CTNNA3: variants seen among roughly 807,000 people sequenced by gnomAD.
The protein encoded by CTNNA3 is catenin alpha-3.
A neutral mutation model predicts 95.7 loss-of-function variants in CTNNA3; 76 were observed. That is an observed-to-expected ratio of 0.79 (90% CI 0.66 to 0.96). CTNNA3 has a LOEUF of 0.96. CTNNA3 is among the 40% of genes least tolerant of loss of function. The pLI, the probability that CTNNA3 is intolerant of heterozygous loss-of-function variation, is 0.00. For missense variants in CTNNA3, 1,191 were observed against 1,089.8 expected (o/e 1.09, Z -1.31); for synonymous variants, 431 against 374.4 (o/e 1.15, Z -1.74).
rs745530377 is a variant in CTNNA3 at position 66,933,382 on chromosome 10, T to C, written c.1048-157858A>G. 7.2e-5 allele frequency among the ~76,000 whole-genome samples: 11 copies of C among 152,120 alleles called. 1 individual carries two copies. Among genetic ancestry groups the C allele is most frequent in the Non-Finnish European group, 1.0e-4 (7 of 68,010 alleles). On this transcript the variant is annotated intron_variant, in intron 7 of 17. Coordinates refer to ENST00000433211, the MANE Select transcript of CTNNA3 (RefSeq NM_013266.4). ...AATAATTATCAAACACATTGAAAAT[T>C]CTACTTGTATTTCAGATCAGGCAAC...
At chr10:66,044,290 C>T (rs1247214155) in intron 15 of CTNNA3, among the ~76,000 whole-genome samples, 1 of 152,116 alleles carries the variant, frequency 6.6e-6, no homozygotes. Flanking sequence ...TGTGCCCGGC[C>T]TTCCATTTTT....
At chr10:67,763,243 T>C (rs1389526792) in intron 1 of CTNNA3, among the ~76,000 whole-genome samples, 1 of 150,142 alleles carries the variant, frequency 6.7e-6, no homozygotes, top group African/African-American at 2.5e-5. Flanking sequence ...ATAGAGAAAA[T>C]GGGATCCCTC....
At chr10:67,210,226 G>A (rs149071743) in intron 6 of CTNNA3, among the ~76,000 whole-genome samples, 2 of 152,238 alleles carry the variant, frequency 1.3e-5, no homozygotes, top group East Asian at 3.9e-4. Flanking sequence ...AGAATTGCTT[G>A]AACCTGGGAG....
chr10:66,405,948 T>C (rs1181627548), intron 11 of CTNNA3, among the ~76,000 whole-genome samples: 3 of 152,180 alleles, frequency 2.0e-5, no homozygotes, highest in African/African-American at 4.8e-5. Flanking sequence ...GAAAGCAGCA[T>C]CCTTTCAGAC....
intron 14 of CTNNA3, among the ~76,000 whole-genome samples, chr10:66,077,300 A>G (rs1303781859): frequency 6.6e-6 from 1 of 151,818 alleles, no homozygotes; most frequent in African/African-American, 2.4e-5. Flanking sequence ...ATTTCTGTGC[A>G]TTTAATTTTT....
intron 5 of CTNNA3, among the ~76,000 whole-genome samples, chr10:67,506,639 C>G (rs371158702): frequency 6.6e-6 from 1 of 152,156 alleles, no homozygotes; most frequent in African/African-American, 2.4e-5. Flanking sequence ...GCCAACAGTG[C>G]CCTAGGCATG....
chr10:66,919,685 T>C (rs1476904505), intron 7 of CTNNA3, among the ~76,000 whole-genome samples: 1 of 152,154 alleles, frequency 6.6e-6, no homozygotes, highest in Non-Finnish European at 1.5e-5. Context: ...TAACCATATG[T>C]GACCAGACAG....
intron 4 of CTNNA3, among the ~76,000 whole-genome samples, chr10:67,537,038 A>G (rs1233815472): frequency 6.6e-6 from 1 of 152,186 alleles, no homozygotes; most frequent in East Asian, 1.9e-4. Context: ...TCTCTTTGAT[A>G]AGATGCCACT....
chr10:65,921,533 A>G (rs1412244430), intron 17 of CTNNA3, among the ~76,000 whole-genome samples: 1 of 152,250 alleles, frequency 6.6e-6, no homozygotes, highest in Non-Finnish European at 1.5e-5. Flanking sequence ...AACTCCCTAT[A>G]GTTTGGATTC....
intron 5 of CTNNA3, among the ~76,000 whole-genome samples, chr10:67,435,073 T>C (rs1364931796): frequency 1.3e-5 from 2 of 152,040 alleles, no homozygotes; most frequent in African/African-American, 4.8e-5. Flanking sequence ...GCATTTCTTT[T>C]TGTTATGTAT....
At chr10:67,065,620 T>G (rs1237615554) in intron 7 of CTNNA3, among the ~76,000 whole-genome samples, 1 of 152,068 alleles carries the variant, frequency 6.6e-6, no homozygotes, top group Non-Finnish European at 1.5e-5. Context: ...GTGGGATATT[T>G]CCAGTCTTAG....
At chr10:67,600,108 A>G (rs1843039802) in intron 3 of CTNNA3, among the ~76,000 whole-genome samples, 1 of 152,126 alleles carries the variant, frequency 6.6e-6, no homozygotes, top group Non-Finnish European at 1.5e-5. Context: ...AAAACAGTTT[A>G]TTCAATAAGT....
At chr10:66,567,048 G>GGGATAAAGAGGGATGGGAGGGGAA (rs1842729406) in intron 10 of CTNNA3, among the ~76,000 whole-genome samples, 1 of 129,378 alleles carries the variant, frequency 7.7e-6, no homozygotes, top group Non-Finnish European at 1.7e-5. Flanking sequence ...GGAGGGGGTA[G>GGGATAAAGAGGGATGGGAGGGGAA]GGAGAAAGAG....
intron 12 of CTNNA3, among the ~76,000 whole-genome samples, chr10:66,316,984 CA>C (rs1251905109): frequency 6.6e-6 from 1 of 151,904 alleles, no homozygotes; most frequent in African/African-American, 2.4e-5. Flanking sequence ...TAAAAGCACC[CA>C]TAAGATAGAT....
At chr10:66,106,965 G>C (rs748849174) in intron 13 of CTNNA3, among the ~76,000 whole-genome samples, 2 of 152,064 alleles carry the variant, frequency 1.3e-5, no homozygotes, top group African/African-American at 4.8e-5. Context: ...TGCTAAACAG[G>C]GTTTAATATA....
At chr10:67,587,573 T>C (rs977305328) in intron 3 of CTNNA3, among the ~76,000 whole-genome samples, 4 of 152,176 alleles carry the variant, frequency 2.6e-5, no homozygotes, top group Non-Finnish European at 4.4e-5. Flanking sequence ...TGCTGAGAAG[T>C]CCACTGATAG....
chr10:67,204,518 G>A (rs960690052), intron 6 of CTNNA3, among the ~76,000 whole-genome samples: 1 of 152,116 alleles, frequency 6.6e-6, no homozygotes, highest in East Asian at 1.9e-4. Context: ...AATTAAACCT[G>A]TTTTCTTTAT....
chr10:67,133,660 A>G (rs1017501176), intron 7 of CTNNA3, among the ~76,000 whole-genome samples: 1 of 152,028 alleles, frequency 6.6e-6, no homozygotes, highest in Non-Finnish European at 1.5e-5. Context: ...ATTAATTTGA[A>G]GAGTAAATGC....
chr10:66,541,289 C>T (rs1298072832), intron 10 of CTNNA3, among the ~76,000 whole-genome samples: 2 of 152,116 alleles, frequency 1.3e-5, no homozygotes, highest in African/African-American at 4.8e-5. Context: ...GCTCTAAATA[C>T]TTCCTCAAAT....
Sources: gnomAD v4.1 joint callset for allele counts (sites outside exome capture counted in the v4.1 genomes callset) on GRCh38, gnomAD v4.1.1 for gene constraint, MANE v1.5 for transcripts, NCBI Gene and HGNC (gene_info 2026-07-23, HGNC 2026-07-21) for gene names.